AHCTF1: variants seen among roughly 807,000 people sequenced by gnomAD.
The protein encoded by AHCTF1 is protein ELYS.
AHCTF1 carries 24 observed loss-of-function variants against 248.4 expected under a neutral mutation model. That is an observed-to-expected ratio of 0.10 (90% confidence interval 0.07 to 0.14). AHCTF1 has a LOEUF of 0.14. AHCTF1 is among the 10% of genes least tolerant of loss of function. The probability of loss-of-function intolerance (pLI) is 1.00; values close to 1 mark genes in which losing one functional copy is unlikely to be tolerated. For synonymous variants in AHCTF1, 786 were observed against 929.8 expected, an observed-to-expected ratio of 0.85 and a Z score of 2.81; for missense variants, 2,206 against 2,636.2, an observed-to-expected ratio of 0.84 and a Z score of 3.57.
intron 2 of AHCTF1, among the ~76,000 whole-genome samples, chr1:246,917,712 A>G (rs1666243251): frequency 6.6e-6 from 1 of 152,238 alleles, no homozygotes; most frequent in Non-Finnish European, 1.5e-5. Context: ...CGAAGCTTAT[A>G]TTCAGAAAAG....
At chr1:246,847,025 G>A (rs1242316081) in intron 33 of AHCTF1, among the ~76,000 whole-genome samples, 1 of 152,206 alleles carries the variant, frequency 6.6e-6, no homozygotes, top group Non-Finnish European at 1.5e-5. Context: ...AGTGGCTCAT[G>A]CCTATAATCC....
chr1:246,892,295 GTTTTAC>G (rs1664257755), intron 14 of AHCTF1, among the ~76,000 whole-genome samples: 1 of 78,848 alleles, frequency 1.3e-5, no homozygotes, highest in Non-Finnish European at 2.8e-5. Context: ...ATTCTAATTT[GTTTTAC>G]TTTTTTTTTT....
At chr1:246,903,429 C>T (rs956976812) in intron 7 of AHCTF1, among the ~76,000 whole-genome samples, 4 of 152,076 alleles carry the variant, frequency 2.6e-5, no homozygotes, top group South Asian at 2.1e-4. Flanking sequence ...TAGAGGAAAA[C>T]GGTATCTGAG....
intron 32 of AHCTF1, among the ~76,000 whole-genome samples, chr1:246,852,445 A>G (rs1660780454): frequency 6.6e-6 from 1 of 152,146 alleles, no homozygotes; most frequent in Non-Finnish European, 1.5e-5. Flanking sequence ...TTATTACATA[A>G]AAGTTGCCTG....
chr1:246,906,987 G>C (rs1266442930), intron 5 of AHCTF1, among the ~76,000 whole-genome samples: 3 of 152,130 alleles, frequency 2.0e-5, no homozygotes, highest in African/African-American at 7.2e-5. Flanking sequence ...TAACAAAAGG[G>C]GATCTGTTCT....
rs776928750 is a variant in AHCTF1, at chr1:246,840,995, G to T, written c.6612C>A (p.Asn2204Lys). 3.1e-6 allele frequency: 5 copies of T among 1,589,754 alleles called. No homozygotes were observed. In the African/African-American group the frequency reaches 7.0e-5, roughly 22 times the overall value. The change falls in exon 36 of 36, where the codon AAC becomes AAA. Residue 2204 changes from asparagine to lysine, a missense_variant. Physicochemically the swap from Asn to Lys is moderately conservative, Grantham distance 94. Around this residue, in one of 6 missense-constraint regions of AHCTF1, gnomAD observed 469 missense variants for 470.0 expected, o/e 1.00. Transcript: ENST00000648844. ...GTGACCAAGCACTTTCTTTTTCTGT[G>T]TTTCTGAAAAAAAAAGATATGATCA... is the stretch of plus-strand genomic sequence containing the variant. ...RTSKTKQASK[N>K]TEKESAWSPP... is the part of the protein sequence containing the mutation.
At chr1:246,904,366 T>TA (rs752410972) in intron 6 of AHCTF1, among the ~76,000 whole-genome samples, 27 of 152,372 alleles carry the variant, frequency 1.8e-4, no homozygotes, top group South Asian at 1.7e-3. Flanking sequence ...TAAAGTTCTA[T>TA]AACATCTCCC....
rs1296739533 is a variant in AHCTF1 at position 246,880,679 on chromosome 1, GATA to G, written c.2661-3380_2661-3378del. On this transcript the variant is annotated intron_variant, in intron 21 of 35. Coordinates refer to ENST00000648844, the MANE Select transcript of AHCTF1 (RefSeq NM_001323342.2). Reference sequence around the variant, plus strand: ...TTTATGATTTACCAAGTATTAATTTGATAATAATATAGACAGTATTTTTAACAA... The same window carrying G: ...TTTATGATTTACCAAGTATTAATTTGATAATATAGACAGTATTTTTAACAA... Among the ~76,000 whole-genome samples the G allele has an allele frequency of 2.6e-5, 4 of 151,964 alleles. No homozygotes were observed. In the East Asian group the frequency reaches 5.8e-4, roughly 22 times the overall value.
intron 1 of AHCTF1, among the ~76,000 whole-genome samples, chr1:246,918,723 A>G (rs1006505684): frequency 6.6e-6 from 1 of 152,250 alleles, no homozygotes; most frequent in Non-Finnish European, 1.5e-5. Context: ...CTAAGAAAGT[A>G]TTTCCCAAAC....
chr1:246,900,856 T>C (rs1224029037), intron 8 of AHCTF1, among the ~76,000 whole-genome samples: 1 of 152,320 alleles, frequency 6.6e-6, no homozygotes, highest in African/African-American at 2.4e-5. Flanking sequence ...CTTTTGGGCA[T>C]TAAGGCTTTA....
intron 4 of AHCTF1, among the ~76,000 whole-genome samples, chr1:246,910,812 T>C (rs529435715): frequency 6.1e-4 from 93 of 152,218 alleles, no homozygotes; most frequent in Middle Eastern, 3.4e-3. Context: ...CAACAAACAG[T>C]TCACACAATG....
At position 246,853,195 on chromosome 1, in the gene AHCTF1, T is replaced by G; in HGVS notation, c.4459A>C (p.Lys1487Gln). The change falls in exon 32 of 36, where the codon AAA becomes CAA. Residue 1487 changes from lysine to glutamine, a missense_variant. Around this residue, in one of 6 missense-constraint regions of AHCTF1, gnomAD observed 955 missense variants for 1,055.6 expected, o/e 0.90. Transcript: ENST00000648844. ...RLNQEVALNL[K>Q]EDHEVEVGVL... The stretch of plus-strand genomic sequence containing the variant: ...CCAACTTCTACTTCATGATCTTCTT[T>G]TAAGTTCAGCGCTACTTCCTGGTTA... 9 of 1,613,520 alleles carry G rather than the reference T, an allele frequency of 5.6e-6. No individual in the cohort carries two copies. The highest frequency in any genetic ancestry group is 6.8e-6 in the Non-Finnish European group (8 of 1,179,708).
At chr1:246,927,220 C>G (rs531460154) in intron 1 of AHCTF1, among the ~76,000 whole-genome samples, 1 of 151,860 alleles carries the variant, frequency 6.6e-6, no homozygotes, top group Non-Finnish European at 1.5e-5. Flanking sequence ...CTGTGGCTCA[C>G]ACCTGTCATC....
chr1:246,912,021 CT>C (rs1230022186), intron 4 of AHCTF1, among the ~76,000 whole-genome samples: 1 of 152,086 alleles, frequency 6.6e-6, no homozygotes, highest in Non-Finnish European at 1.5e-5. Context: ...GCAGCCTCCC[CT>C]CCCGCTTCCA....
chr1:246,849,590 C>T, intron 33 of AHCTF1, 25 bp downstream of exon 33: 1 of 1,568,284 alleles, frequency 6.4e-7, no homozygotes, highest in South Asian at 1.2e-5. Flanking sequence ...AGATGAAAAA[C>T]TGTTTTGCAG....
rs1572462687 is a variant in AHCTF1, at chr1:246,916,207, T to C, written c.310A>G (p.Ser104Gly). 2 of 1,605,754 alleles carry C rather than the reference T, an allele frequency of 1.2e-6. No homozygotes were observed. Among genetic ancestry groups the C allele is most frequent in the African/African-American group, 1.3e-5 (1 of 74,518 alleles). ...CCAAGGTCATAAAGACAGAGAACAC[T>C]CCCTTCTGTTTCTTCCAATCCTATT... ...LLIGLEETEG[S>G]VLCLYDLGIS... Residue 104 changes from serine (S) to glycine (G), a missense_variant, in exon 3 of 36, where the codon AGT becomes GGT. Transcript: ENST00000648844.
chr1:246,929,735 C>G (rs1008576793), intron 1 of AHCTF1, among the ~76,000 whole-genome samples: 10 of 152,188 alleles, frequency 6.6e-5, no homozygotes, highest in African/African-American at 2.4e-4. Context: ...GCGTGAAAGA[C>G]ACAACGTTTT....
intron 33 of AHCTF1, among the ~76,000 whole-genome samples, chr1:246,844,805 CT>C (rs11370838): frequency 0.014 from 1,932 of 141,734 alleles, 12 homozygotes; most frequent in African/African-American, 0.023. Context: ...ACCACACAGA[CT>C]TTTTTTTTTT....
Position 246,850,864 on chromosome 1 carries a change from T to C in AHCTF1, c.5142A>G (p.Ala1714=). The C allele has an allele frequency of 6.2e-7, 1 of 1,614,008 alleles. No individual in the cohort carries two copies. The change falls in exon 33 of 36, where the codon GCA becomes GCG. Residue 1714 remains alanine, a synonymous_variant. Transcript: ENST00000648844. ...IMCPTKLVKS[A]FKTAQETSTM... is the part of the protein sequence containing the mutation. The stretch of plus-strand genomic sequence containing the variant: ...TGCTTGTTTCCTGAGCAGTCTTAAA[T>C]GCAGATTTGACCAATTTAGTGGGAC...
Sources: gnomAD v4.1 joint callset for allele counts (sites outside exome capture counted in the v4.1 genomes callset) on GRCh38, gnomAD v4.1.1 for gene constraint, gnomAD v4.1.1 regional missense constraint, MANE v1.5 for transcripts, NCBI Gene and HGNC (gene_info 2026-07-23, HGNC 2026-07-21) for gene names.